The following FOXP1 variants were observed in gnomAD, a reference collection of about 807,000 sequenced individuals.
FOXP1 encodes the protein forkhead box P1, also known as forkhead box protein P1.
FOXP1 carries 15 observed loss-of-function variants against 98.2 expected under a neutral mutation model. The ratio of observed to expected loss-of-function variants is 0.15; its 90% CI spans 0.10 to 0.24. The LOEUF (loss-of-function observed/expected upper bound fraction) is 0.24, where lower values mean the gene tolerates loss of function less well. FOXP1 is among the 10% of genes least tolerant of loss of function. The pLI is 1.00. For missense variants in FOXP1, 633 were observed against 848.5 expected (o/e 0.75, Z 3.15); for synonymous variants, 371 against 314.5 (o/e 1.18, Z -1.90).
intron 12 of FOXP1, among the ~76,000 whole-genome samples, chr3:71,007,091 TAA>T (rs2042902124): frequency 6.6e-6 from 1 of 152,084 alleles, no homozygotes; most frequent in African/African-American, 2.4e-5. Flanking sequence ...TCAGAAAGGT[TAA>T]AAAAGACATT....
chr3:71,000,774 TGAAC>T (rs2042017842), intron 13 of FOXP1, among the ~76,000 whole-genome samples, 194 bp downstream of exon 13: 2 of 138,648 alleles, frequency 1.4e-5, no homozygotes, highest in Non-Finnish European at 3.0e-5. Context: ...GAACTGGGGC[TGAAC>T]CTGCCCAAAG....
chr3:71,404,779 C>T (rs1314596160), intron 3 of FOXP1, among the ~76,000 whole-genome samples: 2 of 152,174 alleles, frequency 1.3e-5, no homozygotes, highest in East Asian at 3.8e-4. Context: ...TTACCCCACA[C>T]AGAGAAGCCC....
rs548285871 is a variant in FOXP1 at position 71,393,695 on chromosome 3, A to G, written c.-167-34451T>C. ...GCAAAATTCTCTAAACTTAACAAGA[A>G]AGTCTTCCAGTAATCTGAGATAATC... On this transcript the variant is annotated intron_variant, in intron 3 of 20. Coordinates refer to ENST00000649528, the MANE Select transcript of FOXP1 (RefSeq NM_001349338.3). Among the ~76,000 whole-genome samples, 206 of 152,344 alleles carry G rather than the reference A, an allele frequency of 1.4e-3. 1 individual carries two copies. Among genetic ancestry groups the G allele is most frequent in the Non-Finnish European group, 2.0e-3 (139 of 68,026 alleles).
chr3:71,272,827 C>G (rs929623381), intron 5 of FOXP1, among the ~76,000 whole-genome samples: 8 of 152,024 alleles, frequency 5.3e-5, no homozygotes, highest in African/African-American at 1.9e-4. Context: ...CTGCAGATAC[C>G]TTTTCAAGGG....
intron 3 of FOXP1, among the ~76,000 whole-genome samples, chr3:71,427,662 G>C (rs756052866): frequency 6.6e-6 from 1 of 152,214 alleles, no homozygotes; most frequent in East Asian, 1.9e-4. Context: ...CAGAATGAGA[G>C]GAGATGCTCA....
intron 1 of FOXP1, 96 bp downstream of exon 1, chr3:71,583,475 T>G: frequency 1.0e-6 from 1 of 983,666 alleles, no homozygotes. Flanking sequence ...CTTTTTTTTT[T>G]TTTGTGCTGG....
intron 2 of FOXP1, among the ~76,000 whole-genome samples, chr3:71,523,998 C>T (rs1342017919): frequency 6.6e-6 from 1 of 151,910 alleles, no homozygotes; most frequent in Non-Finnish European, 1.5e-5. Flanking sequence ...TGTTACCAGC[C>T]GACAGACAGA....
intron 4 of FOXP1, among the ~76,000 whole-genome samples, chr3:71,347,278 A>G (rs1250787200): frequency 6.6e-6 from 1 of 152,224 alleles, no homozygotes; most frequent in Non-Finnish European, 1.5e-5. Flanking sequence ...ATTACAGCTC[A>G]AAACATCACT....
At chr3:71,235,653 G>A (rs1233090982) in intron 5 of FOXP1, among the ~76,000 whole-genome samples, 2 of 151,814 alleles carry the variant, frequency 1.3e-5, no homozygotes, top group African/African-American at 2.4e-5. Context: ...TGCAACCTCC[G>A]CCTCCCAGGT....
intron 3 of FOXP1, among the ~76,000 whole-genome samples, chr3:71,403,086 T>C (rs1056175992): frequency 6.6e-6 from 1 of 152,224 alleles, no homozygotes; most frequent in Non-Finnish European, 1.5e-5. Flanking sequence ...AAAGAGGAAG[T>C]TTACTTTTTT....
At position 71,034,449 on chromosome 3, in the gene FOXP1, T is replaced by C. The variant is rs117349931; in HGVS notation, c.869+6879A>G. Among the ~76,000 whole-genome samples, 13 of 152,136 alleles carry C rather than the reference T, an allele frequency of 8.5e-5. No homozygotes were observed. The East Asian group carries it at 2.3e-3, about 27-fold the overall frequency. On this transcript the variant is annotated intron_variant, in intron 11 of 20. Coordinates refer to ENST00000649528, the MANE Select transcript of FOXP1 (RefSeq NM_001349338.3). ...CTAGCTATGTGACGTGTGCAAGCGA[T>C]AACATCATTCTGGGCCCCAGCTGCA...
At chr3:71,059,282 C>A (rs1350925922) in intron 7 of FOXP1, among the ~76,000 whole-genome samples, 1 of 152,162 alleles carries the variant, frequency 6.6e-6, no homozygotes, top group Non-Finnish European at 1.5e-5. Context: ...CAATCTCCAG[C>A]AATGCTCTCC....
chr3:71,502,163 T>C (rs2041434351), intron 2 of FOXP1, among the ~76,000 whole-genome samples: 1 of 152,334 alleles, frequency 6.6e-6, no homozygotes, highest in Non-Finnish European at 1.5e-5. Context: ...TTCAATTAAA[T>C]GGCAGAAAAC....
intron 3 of FOXP1, among the ~76,000 whole-genome samples, chr3:71,390,392 G>A (rs374036343): frequency 1.4e-3 from 213 of 152,280 alleles, no homozygotes; most frequent in Middle Eastern, 6.8e-3. Context: ...ATCTCAGTGC[G>A]ACATGCAACC....
intron 3 of FOXP1, among the ~76,000 whole-genome samples, chr3:71,365,590 A>G (rs924738990): frequency 2.0e-5 from 3 of 152,226 alleles, no homozygotes; most frequent in African/African-American, 7.2e-5. Flanking sequence ...AGTAGATTTT[A>G]GATGTCACTG....
chr3:71,080,967 A>T (rs190029311), intron 7 of FOXP1, among the ~76,000 whole-genome samples: 2 of 152,170 alleles, frequency 1.3e-5, no homozygotes. Context: ...TCACTGGGTG[A>T]TCTTCACTTT....
At chr3:71,544,075 A>G (rs2045146451) in intron 2 of FOXP1, among the ~76,000 whole-genome samples, 2 of 152,090 alleles carry the variant, frequency 1.3e-5, no homozygotes, top group South Asian at 4.1e-4. Flanking sequence ...ATACACACAT[A>G]TATGTGTGTA....
At chr3:71,339,760 A>T (rs1457725027) in intron 4 of FOXP1, among the ~76,000 whole-genome samples, 1 of 152,220 alleles carries the variant, frequency 6.6e-6, no homozygotes, top group African/African-American at 2.4e-5. Context: ...GTAGGGAGGT[A>T]GCACATTGAA....
chr3:71,257,089 G>A (rs954494178), intron 5 of FOXP1, among the ~76,000 whole-genome samples: 9 of 152,162 alleles, frequency 5.9e-5, no homozygotes, highest in Admixed American at 2.0e-4. Flanking sequence ...GCTGATTCAC[G>A]GGAGGAAGCT....
Sources: gnomAD v4.1 joint callset for allele counts (sites outside exome capture counted in the v4.1 genomes callset) on GRCh38, gnomAD v4.1.1 for gene constraint, MANE v1.5 for transcripts, NCBI Gene and HGNC (gene_info 2026-07-23, HGNC 2026-07-21) for gene names.